The following UNC5D variants were observed in gnomAD, a reference collection of about 807,000 sequenced individuals.
The protein encoded by UNC5D is netrin receptor UNC5D.
Under a neutral mutation model 105.4 loss-of-function variants are expected in UNC5D, and 39 were observed. The observed-to-expected ratio is 0.37, with a 90% CI of 0.29 to 0.48. The LOEUF is 0.48. UNC5D is among the 20% of genes least tolerant of loss of function. The probability of loss-of-function intolerance (pLI) is 0.98; values close to 1 mark genes in which losing one functional copy is unlikely to be tolerated. For missense variants in UNC5D, 991 were observed against 1,202.4 expected, an observed-to-expected ratio of 0.82 and a Z score of 2.60; for synonymous variants, 452 against 450.4, an observed-to-expected ratio of 1.00 and a Z score of -0.04.
At chr8:35,547,753 C>G (rs1395957926) in intron 1 of UNC5D, among the ~76,000 whole-genome samples, 1 of 152,142 alleles carries the variant, frequency 6.6e-6, no homozygotes, top group African/African-American at 2.4e-5. Context: ...CAGCCCTTTC[C>G]CAGACTCTCT....
At chr8:35,709,463 G>A (rs939748442) in intron 8 of UNC5D, among the ~76,000 whole-genome samples, 2 of 152,152 alleles carry the variant, frequency 1.3e-5, no homozygotes, top group East Asian at 1.9e-4. Context: ...GCCTAGACAG[G>A]TAGGTCACTT....
At chr8:35,317,063 C>T (rs1585568712) in intron 1 of UNC5D, among the ~76,000 whole-genome samples, 1 of 152,116 alleles carries the variant, frequency 6.6e-6, no homozygotes, top group Non-Finnish European at 1.5e-5. Context: ...TCAATTTCTC[C>T]ACTTTATAGA....
chr8:35,291,844 G>A (rs138689024), intron 1 of UNC5D, among the ~76,000 whole-genome samples: 1 of 152,236 alleles, frequency 6.6e-6, no homozygotes, highest in African/African-American at 2.4e-5. Context: ...GTCTAACCAG[G>A]TGATTATTTT....
chr8:35,303,069 A>G (rs965576367), intron 1 of UNC5D, among the ~76,000 whole-genome samples: 3 of 152,122 alleles, frequency 2.0e-5, no homozygotes, highest in Non-Finnish European at 4.4e-5. Flanking sequence ...ATCCAATATA[A>G]TATTATGTCA....
intron 1 of UNC5D, among the ~76,000 whole-genome samples, chr8:35,423,608 C>A (rs970153718): frequency 1.4e-4 from 21 of 152,110 alleles, no homozygotes; most frequent in Non-Finnish European, 5.9e-5. Flanking sequence ...TGAACTAATA[C>A]TGTTTTGGCA....
Position 35,238,604 on chromosome 8 carries a change from A to G in UNC5D, c.103+2717A>G, listed in dbSNP as rs575691427. On this transcript the variant is annotated intron_variant, in intron 1 of 16. Transcript: ENST00000404895. ...TGATTTGTTTTTGTTCTTCAAGAAA[A>G]AAAGGGGGACTGCTGTTCATCTGCT... Among the ~76,000 whole-genome samples, 12 of 152,296 alleles carry G rather than the reference A, an allele frequency of 7.9e-5. 1 individual carries two copies. Among genetic ancestry groups the G allele is most frequent in the South Asian group, 2.1e-4 (1 of 4,832 alleles).
At chr8:35,475,661 G>A (rs930366273) in intron 1 of UNC5D, among the ~76,000 whole-genome samples, 6 of 152,180 alleles carry the variant, frequency 3.9e-5, no homozygotes, top group Admixed American at 6.5e-5. Flanking sequence ...CCTGAAAACC[G>A]TCTGTCTGCT....
chr8:35,674,421 A>G (rs950305578), intron 4 of UNC5D, among the ~76,000 whole-genome samples: 2 of 152,064 alleles, frequency 1.3e-5, no homozygotes, highest in African/African-American at 2.4e-5. Context: ...GTGTGTGTGT[A>G]TATATGGTTT....
rs551333640 is a variant in UNC5D at position 35,497,346 on chromosome 8, G to T, written c.104-51946G>T. Among the ~76,000 whole-genome samples, 10 of 152,264 alleles carry T rather than the reference G, an allele frequency of 6.6e-5. No homozygotes were observed. In the South Asian group the frequency reaches 1.9e-3, roughly 28 times the overall value. ...AAAGCTTTCCTAGGTTATTAGACCTGCTTCAGGGACAAGACTAGGAGAAAG... is the reference window on the plus strand; with the variant it reads ...AAAGCTTTCCTAGGTTATTAGACCTTCTTCAGGGACAAGACTAGGAGAAAG... On this transcript the variant is annotated intron_variant, in intron 1 of 16. Transcript: ENST00000404895.
At chr8:35,534,274 C>T (rs755750168) in intron 1 of UNC5D, among the ~76,000 whole-genome samples, 6 of 152,120 alleles carry the variant, frequency 3.9e-5, no homozygotes, top group Non-Finnish European at 7.4e-5. Flanking sequence ...TTCTCTGACA[C>T]TGTTGTGCCA....
intron 1 of UNC5D, among the ~76,000 whole-genome samples, chr8:35,363,135 A>T (rs1157867929): frequency 1.3e-5 from 2 of 152,138 alleles, no homozygotes; most frequent in Non-Finnish European, 2.9e-5. Flanking sequence ...AGGCTGTATT[A>T]GTCCATTTCC....
At chr8:35,314,661 A>C (rs1809149461) in intron 1 of UNC5D, among the ~76,000 whole-genome samples, 1 of 152,214 alleles carries the variant, frequency 6.6e-6, no homozygotes, top group Non-Finnish European at 1.5e-5. Flanking sequence ...CGAACCTTCA[A>C]ACATAAATAA....
intron 7 of UNC5D, among the ~76,000 whole-genome samples, chr8:35,702,615 GAATAA>G (rs1335600629): frequency 6.6e-6 from 1 of 152,164 alleles, no homozygotes; most frequent in Non-Finnish European, 1.5e-5. Flanking sequence ...TATGCAAACA[GAATAA>G]AAGATCATAG....
intron 3 of UNC5D, among the ~76,000 whole-genome samples, chr8:35,591,692 C>T (rs945703529): frequency 6.6e-6 from 1 of 152,098 alleles, no homozygotes; most frequent in African/African-American, 2.4e-5. Flanking sequence ...ACCTCATTTA[C>T]TCACCAGGTA....
At chr8:35,706,015 C>A in intron 8 of UNC5D, 54 bp downstream of exon 8, 1 of 1,184,436 alleles carries the variant, frequency 8.4e-7, no homozygotes, top group Admixed American at 2.3e-5. Context: ...TGCTGCCTTG[C>A]TGTTGTATTT....
At chr8:35,511,515 C>T (rs113798176) in intron 1 of UNC5D, among the ~76,000 whole-genome samples, 1,826 of 151,244 alleles carry the variant, frequency 0.012, 23 homozygotes, top group Non-Finnish European at 0.02. Flanking sequence ...TTTCACAATC[C>T]CCTTCCAGGA....
intron 11 of UNC5D, among the ~76,000 whole-genome samples, chr8:35,732,851 CA>C (rs1829269831): frequency 6.6e-6 from 1 of 152,124 alleles, no homozygotes; most frequent in Non-Finnish European, 1.5e-5. Context: ...ACCTCATTTA[CA>C]ACTTACCTGC....
chr8:35,420,496 A>G (rs939329735), intron 1 of UNC5D, among the ~76,000 whole-genome samples: 1 of 152,192 alleles, frequency 6.6e-6, no homozygotes, highest in African/African-American at 2.4e-5. Context: ...GTAAGCTCTG[A>G]AAATGAAATT....
chr8:35,657,691 G>A (rs889435777), intron 4 of UNC5D, among the ~76,000 whole-genome samples: 8 of 152,154 alleles, frequency 5.3e-5, no homozygotes, highest in South Asian at 2.1e-4. Flanking sequence ...TTGTTATATT[G>A]CACAACCTGG....
Sources: gnomAD v4.1 joint callset for allele counts (sites outside exome capture counted in the v4.1 genomes callset) on GRCh38, gnomAD v4.1.1 for gene constraint, MANE v1.5 for transcripts, NCBI Gene and HGNC (gene_info 2026-07-23, HGNC 2026-07-21) for gene names.